Variants in ZZEF1 observed in about 807,000 individuals in gnomAD.
ZZEF1 encodes zinc finger ZZ-type and EF-hand domain containing 1.
A neutral mutation model predicts 342.8 loss-of-function variants in ZZEF1; 157 were observed. The observed-to-expected ratio is 0.46, with a 90% CI of 0.40 to 0.52. The LOEUF is 0.52. ZZEF1 is among the 20% of genes least tolerant of loss of function. The pLI is 0.00. For synonymous variants in ZZEF1, 1,505 were observed against 1,429.1 expected (o/e 1.05, Z -1.20); for missense variants, 3,480 against 3,725.6 (o/e 0.93, Z 1.72).
chr17:4,062,063 CCT>C (rs1161006223), intron 30 of ZZEF1, among the ~76,000 whole-genome samples: 1 of 152,058 alleles, frequency 6.6e-6, no homozygotes, highest in African/African-American at 2.4e-5. Context: ...TCCCATTTTC[CCT>C]GTCACTCAGC....
intron 25 of ZZEF1, among the ~76,000 whole-genome samples, chr17:4,071,798 G>A (rs940407293): frequency 1.3e-5 from 2 of 152,114 alleles, no homozygotes; most frequent in Non-Finnish European, 2.9e-5. Context: ...ACAGGAAGAT[G>A]GAAACAGGTA....
At chr17:4,051,706 G>A (rs770593376) in intron 35 of ZZEF1, among the ~76,000 whole-genome samples, 11 of 150,004 alleles carry the variant, frequency 7.3e-5, no homozygotes, top group South Asian at 6.3e-4. Context: ...GTGAGCCACC[G>A]AGCCTGGTCC....
At chr17:4,060,356 G>C (rs951229269) in intron 30 of ZZEF1, among the ~76,000 whole-genome samples, 2 of 152,102 alleles carry the variant, frequency 1.3e-5, no homozygotes, top group Non-Finnish European at 2.9e-5. Flanking sequence ...ATTGAGGTCA[G>C]GAGTTCAAGA....
In ZZEF1 at chr17:4,070,904, G is replaced by T; in HGVS notation, c.3855C>A (p.Asp1285Glu). The T allele has an allele frequency of 6.2e-7, 1 of 1,614,010 alleles. No individual in the cohort carries two copies. ...AATCAAGAAGAAAATGGCGGCAGGG[G>T]TCGTCAGGAATGTTCTTAACCTGGA... Reference protein sequence around the residue: ...NSKEVKNIPDDPCRHFLLDFA... With the variant: ...NSKEVKNIPDEPCRHFLLDFA... Residue 1285 changes from aspartate to glutamate, a missense_variant, in exon 26 of 55, where the codon GAC becomes GAA. Physicochemically the swap from Asp to Glu is conservative, Grantham distance 45. This residue lies in a region of ZZEF1 where 1,528 missense variants were observed against 1,624.1 expected (regional missense o/e 0.94). Transcript: ENST00000381638.
At chr17:4,062,043 C>T (rs2057296589) in intron 30 of ZZEF1, among the ~76,000 whole-genome samples, 1 of 152,148 alleles carries the variant, frequency 6.6e-6, no homozygotes, top group African/African-American at 2.4e-5. Context: ...GCCTTTCTCA[C>T]CTTATCCCAT....
At chr17:4,074,456 C>T (rs1224346924) in intron 23 of ZZEF1, 105 bp from the exon 24 acceptor site, 29 of 1,201,016 alleles carry the variant, frequency 2.4e-5, no homozygotes, top group Non-Finnish European at 3.0e-5. Flanking sequence ...AAATTGATCT[C>T]TATTTCCACA....
intron 5 of ZZEF1, among the ~76,000 whole-genome samples, 175 bp downstream of exon 5, chr17:4,112,434 G>A (rs998587389): frequency 6.6e-6 from 1 of 152,036 alleles, no homozygotes; most frequent in African/African-American, 2.4e-5. Flanking sequence ...GCGTGAGCCA[G>A]CATGCCCCGA....
chr17:4,096,163 A>C (rs934937446), intron 10 of ZZEF1, among the ~76,000 whole-genome samples, 184 bp from the exon 11 acceptor site: 1 of 152,214 alleles, frequency 6.6e-6, no homozygotes, highest in Non-Finnish European at 1.5e-5. Flanking sequence ...AACTTTCTCA[A>C]TCCTTATATT....
At chr17:4,036,027 G>T (rs938352406) in intron 39 of ZZEF1, among the ~76,000 whole-genome samples, 1 of 148,526 alleles carries the variant, frequency 6.7e-6, no homozygotes, top group Non-Finnish European at 1.5e-5. Flanking sequence ...TTGAACCGGG[G>T]AGGCAGAGGT....
chr17:4,111,316 G>GT (rs1046823217), intron 5 of ZZEF1, among the ~76,000 whole-genome samples: 36 of 152,074 alleles, frequency 2.4e-4, no homozygotes, highest in African/African-American at 8.2e-4. Context: ...TAGGATTTGA[G>GT]TATTTTTGTT....
At chr17:4,097,540 G>A (rs892306708) in intron 9 of ZZEF1, among the ~76,000 whole-genome samples, 6 of 149,698 alleles carry the variant, frequency 4.0e-5, no homozygotes, top group South Asian at 4.2e-4. Context: ...CCTTTCGGTC[G>A]TCTCTGCCTT....
rs758597335 is a variant in ZZEF1 at position 4,087,414 on chromosome 17, T to A, written c.2342+20A>T. ...TTTTCAGTTTATGTGCTTATCACCTTATAACAAATTCTGACCTACTTTTGC... is the reference window on the plus strand; with the variant it reads ...TTTTCAGTTTATGTGCTTATCACCTAATAACAAATTCTGACCTACTTTTGC... On this transcript the variant is annotated intron_variant, in intron 14 of 54. Coordinates refer to ENST00000381638, the MANE Select transcript of ZZEF1 (RefSeq NM_015113.4). 3 of 1,586,484 alleles carry A rather than the reference T, an allele frequency of 1.9e-6. No homozygotes were observed. The highest frequency in any genetic ancestry group is 2.6e-6 in the Non-Finnish European group (3 of 1,162,204).
intron 30 of ZZEF1, 114 bp downstream of exon 30, chr17:4,062,639 A>G: frequency 8.2e-7 from 1 of 1,223,756 alleles, no homozygotes; most frequent in Non-Finnish European, 1.1e-6. Flanking sequence ...TTAACCAAAA[A>G]CGTACATTTG....
At chr17:4,091,882 G>T (rs1026453729) in intron 11 of ZZEF1, among the ~76,000 whole-genome samples, 3 of 150,660 alleles carry the variant, frequency 2.0e-5, no homozygotes, top group Non-Finnish European at 3.0e-5. Context: ...TTCGAGACCA[G>T]CCTGACCAAC....
Position 4,005,052 on chromosome 17 carries a change from G to C in ZZEF1, c.*1838C>G, listed in dbSNP as rs909267977. On this transcript the variant is annotated 3_prime_UTR_variant, in exon 55 of 55. Transcript: ENST00000381638. ...TACCGCCCGCTTTACTCGGAGTCTG[G>C]GGTGTGGAGGGGCGTGGGTGGCGCT... The C allele has an allele frequency of 3.9e-5, 6 of 152,420 alleles. No individual in the cohort carries two copies. The highest frequency in any genetic ancestry group is 1.4e-4 in the African/African-American group (6 of 41,466). The allele number at this position is 152,420 out of a possible 1,614,324, so 9.4% of individuals were successfully genotyped here.
chr17:4,055,083 A>G (rs1248561460), intron 33 of ZZEF1, among the ~76,000 whole-genome samples: 1 of 152,186 alleles, frequency 6.6e-6, no homozygotes, highest in African/African-American at 2.4e-5. Context: ...TTCTGCAGGG[A>G]TAGTCTGGGT....
At chr17:4,118,188 C>G (rs924081732) in intron 2 of ZZEF1, among the ~76,000 whole-genome samples, 2 of 152,168 alleles carry the variant, frequency 1.3e-5, no homozygotes, top group African/African-American at 4.8e-5. Context: ...AGGACCTGCT[C>G]AAGCCCAATC....
In ZZEF1 at chr17:4,133,027, C is replaced by A. The variant is rs115481486; in HGVS notation, c.355-8976G>T. On this transcript the variant is annotated intron_variant, in intron 1 of 54. Transcript: ENST00000381638. ...TGGCACAGAGCAGAGCCTCATCTTC[C>A]CTGAGGCCCTGCGGTGGGAACGCTA... 5.3e-3 allele frequency among the ~76,000 whole-genome samples: 810 copies of A among 152,066 alleles called. 10 individuals carry two copies. Among genetic ancestry groups the A allele is most frequent in the African/African-American group, 0.019 (774 of 41,478 alleles).
At chr17:4,108,034 T>C (rs770997874) in intron 6 of ZZEF1, among the ~76,000 whole-genome samples, 77 of 152,226 alleles carry the variant, frequency 5.1e-4, no homozygotes, top group Non-Finnish European at 9.6e-4. Flanking sequence ...TGGCTGACTA[T>C]AATCTAGTGC....
Sources: gnomAD v4.1 joint callset for allele counts (sites outside exome capture counted in the v4.1 genomes callset) on GRCh38, gnomAD v4.1.1 for gene constraint, gnomAD v4.1.1 regional missense constraint, MANE v1.5 for transcripts, NCBI Gene and HGNC (gene_info 2026-07-23, HGNC 2026-07-21) for gene names.